Variants in HERC1 observed in about 807,000 individuals in gnomAD.
HERC1 encodes HECT and RLD domain containing E3 ubiquitin protein ligase family member 1, also known as probable E3 ubiquitin-protein ligase HERC1.
Under a neutral mutation model 554.3 loss-of-function variants are expected in HERC1, and 160 were observed. The observed-to-expected ratio is 0.29, with a 90% confidence interval of 0.25 to 0.33. HERC1 has a LOEUF of 0.33. HERC1 is among the 10% of genes least tolerant of loss of function. HERC1 has a pLI of 1.00. For synonymous variants in HERC1, 2,175 were observed against 2,131.7 expected (o/e 1.02, Z -0.56); for missense variants, 4,919 against 5,918.5 (o/e 0.83, Z 5.54).
chr15:63,769,373 T>A (rs2075881472), intron 2 of HERC1, among the ~76,000 whole-genome samples: 1 of 151,964 alleles, frequency 6.6e-6, no homozygotes, highest in Admixed American at 6.6e-5. Context: ...TGAGACGAGA[T>A]CTTGCCACTG....
chr15:63,794,086 AG>A (rs2076736080), intron 1 of HERC1, among the ~76,000 whole-genome samples: 1 of 152,190 alleles, frequency 6.6e-6, no homozygotes, highest in Non-Finnish European at 1.5e-5. Flanking sequence ...TGGCACTGTC[AG>A]GAAGTCACCC....
intron 1 of HERC1, among the ~76,000 whole-genome samples, chr15:63,822,118 A>C (rs2077722605): frequency 6.6e-6 from 1 of 152,182 alleles, no homozygotes; most frequent in Non-Finnish European, 1.5e-5. Context: ...ACTTGAGGAA[A>C]GGGACGAACA....
chr15:63,733,233 T>C (rs923520194), intron 13 of HERC1, 88 bp from the exon 14 acceptor site: 2 of 803,536 alleles, frequency 2.5e-6, no homozygotes, highest in East Asian at 4.9e-5. Flanking sequence ...ACTATACTAA[T>C]CCACTTACTA....
At chr15:63,779,725 T>C (rs914707152) in intron 1 of HERC1, 3 of 152,108 alleles carry the variant, frequency 2.0e-5, no homozygotes, top group Non-Finnish European at 4.4e-5. Context: ...TTTAAGATGA[T>C]ATTATTCAGG....
In HERC1 at chr15:63,693,944, G is replaced by A. The variant is rs1268480407; in HGVS notation, c.5674+20C>T. The A allele has an allele frequency of 1.3e-6, 2 of 1,545,126 alleles. No individual in the cohort carries two copies. Among genetic ancestry groups the A allele is most frequent in the Middle Eastern group, 1.7e-4 (1 of 5,938 alleles). On this transcript the variant is annotated intron_variant, in intron 30 of 77. Transcript: ENST00000443617. ...TAATAAATGCTTGTAAGTAAAGACA[G>A]AGAAAGAGGCTTACATTACCTCTGA... is the stretch of plus-strand genomic sequence containing the variant.
intron 60 of HERC1, 142 bp from the exon 61 acceptor site, chr15:63,640,587 G>C (rs930667079): frequency 1.4e-6 from 1 of 733,414 alleles, no homozygotes; most frequent in Non-Finnish European, 2.2e-6. Flanking sequence ...TTTAGATTTA[G>C]AGTGAGTTGT....
At chr15:63,625,433 C>T (rs906176899) in intron 71 of HERC1, among the ~76,000 whole-genome samples, 1 of 152,130 alleles carries the variant, frequency 6.6e-6, no homozygotes, top group African/African-American at 2.4e-5. Context: ...TGGCTCACAC[C>T]TGTATTCTCA....
chr15:63,634,339 A>C (rs1426429836), intron 66 of HERC1, among the ~76,000 whole-genome samples: 1 of 152,244 alleles, frequency 6.6e-6, no homozygotes, highest in Non-Finnish European at 1.5e-5. Flanking sequence ...TGATGTATAC[A>C]AGACAGAGAT....
At chr15:63,655,603 A>C in intron 50 of HERC1, 139 bp downstream of exon 50, 1 of 605,520 alleles carries the variant, frequency 1.7e-6, no homozygotes, top group South Asian at 2.5e-5. Flanking sequence ...ACAGTGAAAA[A>C]GTATCTATGC....
intron 54 of HERC1, among the ~76,000 whole-genome samples, chr15:63,648,439 T>G (rs2069472920): frequency 6.6e-6 from 1 of 152,250 alleles, no homozygotes; most frequent in South Asian, 2.1e-4. Context: ...TCATTCTTTT[T>G]CAGGTGGTTG....
At chr15:63,828,082 C>T (rs1278199884) in intron 1 of HERC1, among the ~76,000 whole-genome samples, 1 of 152,104 alleles carries the variant, frequency 6.6e-6, no homozygotes, top group Non-Finnish European at 1.5e-5. Context: ...CTAGAAACCA[C>T]TGAATTGTAC....
intron 1 of HERC1, among the ~76,000 whole-genome samples, chr15:63,816,487 C>T (rs139251249): frequency 6.6e-6 from 1 of 152,298 alleles, no homozygotes; most frequent in African/African-American, 2.4e-5. Context: ...TACTGCCCTG[C>T]ACAAATTACT....
intron 70 of HERC1, among the ~76,000 whole-genome samples, chr15:63,628,056 AG>A (rs2068378693): frequency 1.3e-5 from 2 of 152,190 alleles, no homozygotes; most frequent in African/African-American, 4.8e-5. Context: ...TATTTCTAAC[AG>A]TGGGCCTTAG....
At chr15:63,724,965 A>G (rs2073981223) in intron 18 of HERC1, among the ~76,000 whole-genome samples, 1 of 152,198 alleles carries the variant, frequency 6.6e-6, no homozygotes, top group Admixed American at 6.5e-5. Flanking sequence ...AGTGCTTTAC[A>G]TTCTGGGAAG....
intron 38 of HERC1, among the ~76,000 whole-genome samples, chr15:63,674,024 A>T (rs1169210421): frequency 6.6e-6 from 1 of 152,116 alleles, no homozygotes. Context: ...CATGCTTGCC[A>T]GAATACTATG....
At position 63,634,757 on chromosome 15, in the gene HERC1, T is replaced by G. The variant is rs978447335; in HGVS notation, c.12546A>C (p.Ala4182=). The G allele has an allele frequency of 6.2e-7, 1 of 1,612,774 alleles. No individual in the cohort carries two copies. The highest frequency in any genetic ancestry group is 1.3e-5 in the African/African-American group (1 of 74,904). ...CCTGTCCAATCTGATATCCCTCCAG[T>G]GCAGTCACTCTCTCTGGAAGTTTTT... ...SNKKLPERVT[A]LEGYQIGQVA... is the part of the protein sequence containing the mutation. The change falls in exon 66 of 78, where the codon GCA becomes GCC. Residue 4182 remains alanine, a synonymous_variant. Coordinates refer to ENST00000443617, the MANE Select transcript of HERC1 (RefSeq NM_003922.4).
intron 46 of HERC1, among the ~76,000 whole-genome samples, chr15:63,660,386 T>C (rs770055145): frequency 4.6e-5 from 7 of 152,174 alleles, no homozygotes; most frequent in Non-Finnish European, 1.0e-4. Context: ...GGACTGAAAG[T>C]CCAGTGACCA....
At chr15:63,635,046 AT>A (rs1272639724) in intron 65 of HERC1, 158 bp from the exon 66 acceptor site, 89 of 498,494 alleles carry the variant, frequency 1.8e-4, no homozygotes, top group Middle Eastern at 5.5e-4. Flanking sequence ...TTTTTTTTTA[AT>A]TTTTTTTTAA....
intron 77 of HERC1, among the ~76,000 whole-genome samples, chr15:63,611,541 G>A (rs962854031): frequency 2.0e-5 from 3 of 152,176 alleles, no homozygotes; most frequent in Non-Finnish European, 4.4e-5. Flanking sequence ...AGAGGTTATC[G>A]TTGCTCCCCA....
Sources: allele counts gnomAD v4.1 joint callset (sites outside exome capture counted in the v4.1 genomes callset), GRCh38; gene constraint gnomAD v4.1.1; transcripts MANE v1.5; gene names NCBI Gene and HGNC (gene_info 2026-07-23, HGNC 2026-07-21).